MGAT4C: variants seen among roughly 807,000 people sequenced by gnomAD.
MGAT4C encodes the protein alpha-1,3-mannosyl-glycoprotein 4-beta-N-acetylglucosaminyltransferase C.
In MGAT4C, 19 loss-of-function variants were observed where a neutral mutation model predicts 40.1. The observed-to-expected ratio is 0.47, with a 90% CI of 0.33 to 0.70. The LOEUF is 0.70. Among genes scored for constraint, MGAT4C ranks in the 30% least tolerant of loss-of-function variants. The pLI is 0.02. For synonymous variants in MGAT4C, 181 were observed against 187.1 expected (o/e 0.97, Z 0.27); for missense variants, 491 against 563.2 (o/e 0.87, Z 1.30).
At chr12:86,784,827 G>C (rs983485111) in intron 1 of MGAT4C, among the ~76,000 whole-genome samples, 1 of 151,894 alleles carries the variant, frequency 6.6e-6, no homozygotes, top group South Asian at 2.1e-4. Context: ...TAAAGGGTAA[G>C]GATTATTAGA....
chr12:86,323,234 T>C (rs1954439124), intron 4 of MGAT4C, among the ~76,000 whole-genome samples: 1 of 151,606 alleles, frequency 6.6e-6, no homozygotes, highest in African/African-American at 2.4e-5. Context: ...CCTAAATAAA[T>C]ACATATATTA....
intron 1 of MGAT4C, among the ~76,000 whole-genome samples, chr12:86,227,327 A>G (rs1390554310): frequency 6.6e-6 from 1 of 151,946 alleles, no homozygotes; most frequent in East Asian, 1.9e-4. Context: ...GTAGAATTCA[A>G]GCACTTTCCA....
chr12:86,255,456 T>A (rs1952477208), intron 1 of MGAT4C, among the ~76,000 whole-genome samples: 1 of 152,072 alleles, frequency 6.6e-6, no homozygotes, highest in South Asian at 2.1e-4. Context: ...TTTGTTTTGC[T>A]ACAATATAAC....
At chr12:86,584,164 T>C (rs146904097) in intron 2 of MGAT4C, among the ~76,000 whole-genome samples, 1,745 of 151,056 alleles carry the variant, frequency 0.012, 12 homozygotes, top group Non-Finnish European at 0.014. Context: ...TTGAGTGCTA[T>C]GTATATTTCA....
intron 1 of MGAT4C, among the ~76,000 whole-genome samples, chr12:86,067,629 C>G (rs769840642): frequency 6.6e-6 from 1 of 151,954 alleles, no homozygotes; most frequent in South Asian, 2.1e-4. Context: ...ATGGGTGCAG[C>G]AAACCACCAT....
Position 86,739,260 on chromosome 12 carries a change from T to C in MGAT4C, c.-261-12019A>G, listed in dbSNP as rs528473344. On this transcript the variant is annotated intron_variant, in intron 1 of 7. Transcript: ENST00000548651. The stretch of plus-strand genomic sequence containing the variant: ...CAAAGCAAACATTTTTCAATGTTTG[T>C]AGTACCTGTCCTAAAGATATGCTGT... 2.0e-5 allele frequency among the ~76,000 whole-genome samples: 3 copies of C among 150,848 alleles called. No individual in the cohort carries two copies. In the South Asian group the frequency reaches 6.2e-4, roughly 31 times the overall value.
chr12:86,367,288 A>T (rs1955617840), intron 3 of MGAT4C, among the ~76,000 whole-genome samples: 1 of 152,086 alleles, frequency 6.6e-6, no homozygotes, highest in Admixed American at 6.6e-5. Context: ...CCCTCATAAA[A>T]TGGGCCCCAG....
rs115651712 is a variant in MGAT4C at position 86,207,629 on chromosome 12, T to C, written c.-57+48610A>G. On this transcript the variant is annotated intron_variant, in intron 1 of 4. Transcript: ENST00000611864. ...TAAAAAAAAGATTTGCTGACACTTA[T>C]ATAGCATATACTATATTCGATTATG... Among the ~76,000 whole-genome samples, 494 of 152,320 alleles carry C rather than the reference T, an allele frequency of 3.2e-3. 2 individuals are homozygous for C. Among genetic ancestry groups the C allele is most frequent in the African/African-American group, 0.011 (455 of 41,574 alleles).
At chr12:86,248,226 C>CCTTG (rs1307214136) in intron 1 of MGAT4C, among the ~76,000 whole-genome samples, 1 of 151,652 alleles carries the variant, frequency 6.6e-6, no homozygotes, top group African/African-American at 2.4e-5. Context: ...TTCCTTCCTT[C>CCTTG]CTTCCTTCCT....
rs148992353 is a variant in MGAT4C, at chr12:86,705,841, G to A, written c.-229+21368C>T. The stretch of plus-strand genomic sequence containing the variant: ...GTATTACAGAAGTCATGGGACAGTA[G>A]TTCCACTTATGTGAGCTATTATATC... On this transcript the variant is annotated intron_variant, in intron 2 of 7. Coordinates refer to the MGAT4C transcript ENST00000548651. Among the ~76,000 whole-genome samples the A allele has an allele frequency of 2.5e-3, 384 of 152,282 alleles. 3 individuals carry two copies. The highest frequency in any genetic ancestry group is 4.5e-3 in the Non-Finnish European group (303 of 68,010).
At chr12:86,394,529 T>TATA (rs1956215068) in intron 3 of MGAT4C, among the ~76,000 whole-genome samples, 1 of 145,682 alleles carries the variant, frequency 6.9e-6, no homozygotes, top group African/African-American at 2.5e-5. Flanking sequence ...TATTTATATA[T>TATA]TTTATACATA....
At chr12:86,060,475 G>A (rs1359263242) in intron 1 of MGAT4C, among the ~76,000 whole-genome samples, 2 of 151,752 alleles carry the variant, frequency 1.3e-5, no homozygotes, top group African/African-American at 4.8e-5. Flanking sequence ...TACAATACTT[G>A]CAATAAAATA....
chr12:86,499,487 A>G (rs1958298337), intron 2 of MGAT4C, among the ~76,000 whole-genome samples: 1 of 149,526 alleles, frequency 6.7e-6, no homozygotes, highest in African/African-American at 2.4e-5. Flanking sequence ...AAAACAAAAC[A>G]AAAAACCTCT....
intron 2 of MGAT4C, among the ~76,000 whole-genome samples, chr12:86,629,183 C>T (rs1291216534): frequency 6.6e-6 from 1 of 152,090 alleles, no homozygotes; most frequent in Non-Finnish European, 1.5e-5. Flanking sequence ...GGTAAAGGAT[C>T]AATTCAACAA....
At chr12:86,412,521 T>C (rs1348736517) in intron 3 of MGAT4C, among the ~76,000 whole-genome samples, 1 of 152,168 alleles carries the variant, frequency 6.6e-6, no homozygotes, top group Non-Finnish European at 1.5e-5. Context: ...AGCCCCTTTG[T>C]TTTGGCTGAT....
intron 1 of MGAT4C, among the ~76,000 whole-genome samples, chr12:86,833,922 C>T (rs1353538711): frequency 6.6e-6 from 1 of 151,678 alleles, no homozygotes; most frequent in Non-Finnish European, 1.5e-5. Flanking sequence ...TAGAGATTTG[C>T]TTTCCCATTA....
At chr12:86,225,882 A>C (rs1951054373) in intron 1 of MGAT4C, among the ~76,000 whole-genome samples, 1 of 152,088 alleles carries the variant, frequency 6.6e-6, no homozygotes, top group Admixed American at 6.5e-5. Context: ...GAAAATTAGA[A>C]CAAGACAAGG....
At chr12:86,322,211 TG>T (rs1001423267) in intron 4 of MGAT4C, among the ~76,000 whole-genome samples, 4 of 103,452 alleles carry the variant, frequency 3.9e-5, no homozygotes, top group Non-Finnish European at 5.3e-5. Context: ...CATCACACAC[TG>T]GGGCCTGTCG....
chr12:86,500,686 G>C (rs1565806836), intron 2 of MGAT4C, among the ~76,000 whole-genome samples: 1 of 151,874 alleles, frequency 6.6e-6, no homozygotes, highest in Non-Finnish European at 1.5e-5. Context: ...CAAACTCTTT[G>C]TGACAAAAGA....
Sources: allele counts gnomAD v4.1 joint callset (sites outside exome capture counted in the v4.1 genomes callset), GRCh38; gene constraint gnomAD v4.1.1; transcripts MANE v1.5; gene names NCBI Gene and HGNC (gene_info 2026-07-23, HGNC 2026-07-21).